Variants in SLC25A21 observed in about 807,000 individuals in gnomAD.
SLC25A21 encodes the protein solute carrier family 25 member 21, also known as mitochondrial 2-oxodicarboxylate carrier.
SLC25A21 carries 47 observed loss-of-function variants against 43.8 expected under a neutral mutation model. That is an observed-to-expected ratio of 1.07 (90% CI 0.85 to 1.37). The LOEUF (loss-of-function observed/expected upper bound fraction) is 1.37. Ranked by LOEUF, SLC25A21 falls within the 40% of genes most tolerant of loss-of-function variation. The probability of loss-of-function intolerance (pLI) is 0.00; values close to 1 mark genes in which losing one functional copy is unlikely to be tolerated. For missense variants in SLC25A21, 352 were observed against 350.2 expected, an observed-to-expected ratio of 1.00 and a Z score of -0.04; for synonymous variants, 131 against 121.3, an observed-to-expected ratio of 1.08 and a Z score of -0.52.
chr14:36,808,987 A>T (rs1888139045), intron 3 of SLC25A21: 1 of 151,958 alleles, frequency 6.6e-6, no homozygotes, highest in Non-Finnish European at 1.5e-5. Flanking sequence ...CATTTCAATC[A>T]CTCTTTTTAA....
intron 1 of SLC25A21, 102 bp downstream of exon 1, chr14:37,172,179 G>A: frequency 8.3e-7 from 1 of 1,208,062 alleles, no homozygotes; most frequent in Non-Finnish European, 1.1e-6. Context: ...TTTTGAGGAA[G>A]AGGGCAGAAC....
chr14:37,021,282 A>T (rs1000291582), intron 1 of SLC25A21, among the ~76,000 whole-genome samples: 9 of 151,968 alleles, frequency 5.9e-5, no homozygotes, highest in African/African-American at 2.2e-4. Flanking sequence ...AGTGGGCAGA[A>T]CTTATCAAGA....
chr14:36,934,935 C>T (rs1429913274), intron 1 of SLC25A21, among the ~76,000 whole-genome samples: 1 of 151,812 alleles, frequency 6.6e-6, no homozygotes, highest in African/African-American at 2.4e-5. Context: ...TCCCTAAGTA[C>T]TACCTTTCCC....
At chr14:36,705,093 A>G (rs1883453356) in intron 7 of SLC25A21, among the ~76,000 whole-genome samples, 1 of 151,980 alleles carries the variant, frequency 6.6e-6, no homozygotes, top group African/African-American at 2.4e-5. Context: ...TCTGTCGCCC[A>G]GGCTGGGTGC....
intron 3 of SLC25A21, among the ~76,000 whole-genome samples, chr14:36,767,005 C>T (rs930111353): frequency 1.3e-5 from 2 of 152,158 alleles, no homozygotes; most frequent in African/African-American, 4.8e-5. Flanking sequence ...TGACCATATA[C>T]CACCATTATA....
At chr14:36,775,524 G>T (rs540556836) in intron 3 of SLC25A21, among the ~76,000 whole-genome samples, 3 of 152,198 alleles carry the variant, frequency 2.0e-5, no homozygotes, top group Non-Finnish European at 4.4e-5. Flanking sequence ...CTCTAGGAGG[G>T]CATCTGCTGA....
At chr14:36,794,032 T>C (rs140216937) in intron 3 of SLC25A21, among the ~76,000 whole-genome samples, 1 of 151,864 alleles carries the variant, frequency 6.6e-6, no homozygotes, top group African/African-American at 2.4e-5. Flanking sequence ...TGAATATGAA[T>C]AATATTCATA....
intron 1 of SLC25A21, among the ~76,000 whole-genome samples, chr14:36,875,721 C>T (rs937219942): frequency 6.6e-6 from 1 of 151,958 alleles, no homozygotes; most frequent in Admixed American, 6.6e-5. Context: ...GTTTTAATTC[C>T]CATAAAGCCC....
intron 3 of SLC25A21, among the ~76,000 whole-genome samples, chr14:36,797,273 A>T (rs1448673431): frequency 6.6e-6 from 1 of 152,190 alleles, no homozygotes; most frequent in Non-Finnish European, 1.5e-5. Context: ...TCATAGAAAG[A>T]TCAGATTTTT....
chr14:36,939,921 C>G (rs1166831385), intron 1 of SLC25A21, among the ~76,000 whole-genome samples: 3 of 152,150 alleles, frequency 2.0e-5, no homozygotes, highest in African/African-American at 7.2e-5. Context: ...TTTCACATAT[C>G]TGTTTTACAT....
At chr14:36,699,153 T>A (rs1883170274) in intron 7 of SLC25A21, among the ~76,000 whole-genome samples, 1 of 152,062 alleles carries the variant, frequency 6.6e-6, no homozygotes, top group Non-Finnish European at 1.5e-5. Flanking sequence ...TATTCCTTTC[T>A]GTTTGTTAGT....
At chr14:37,010,455 A>G (rs1221863707) in intron 1 of SLC25A21, among the ~76,000 whole-genome samples, 2 of 152,212 alleles carry the variant, frequency 1.3e-5, no homozygotes, top group Non-Finnish European at 2.9e-5. Flanking sequence ...TAAGAAAGAA[A>G]TGCAAACAAT....
intron 3 of SLC25A21, among the ~76,000 whole-genome samples, chr14:36,782,860 A>C (rs1217952896): frequency 1.3e-5 from 2 of 151,030 alleles, no homozygotes; most frequent in African/African-American, 4.9e-5. Flanking sequence ...CTAGATGACG[A>C]GTTAGTGGGT....
At chr14:37,082,485 G>A (rs1055330613) in intron 1 of SLC25A21, among the ~76,000 whole-genome samples, 2 of 152,126 alleles carry the variant, frequency 1.3e-5, no homozygotes, top group African/African-American at 2.4e-5. Flanking sequence ...GCTTTACAGG[G>A]ACACCATCTA....
intron 8 of SLC25A21, 90 bp downstream of exon 8, chr14:36,684,654 T>C: frequency 8.1e-7 from 1 of 1,239,160 alleles, no homozygotes; most frequent in Non-Finnish European, 1.1e-6. Flanking sequence ...TTAGGAGGGC[T>C]TACTGGTTCT....
intron 1 of SLC25A21, among the ~76,000 whole-genome samples, chr14:37,168,766 A>G (rs1277057729): frequency 6.6e-6 from 1 of 152,198 alleles, no homozygotes; most frequent in Non-Finnish European, 1.5e-5. Context: ...ACTGTGAGAA[A>G]GAGGACTGAG....
intron 1 of SLC25A21, among the ~76,000 whole-genome samples, chr14:36,909,464 G>C (rs767048537): frequency 1.1e-4 from 16 of 152,144 alleles, no homozygotes; most frequent in Non-Finnish European, 2.2e-4. Context: ...CTGGATATGA[G>C]CCTTTTAAAT....
At chr14:37,073,382 T>C (rs1401455135) in intron 1 of SLC25A21, among the ~76,000 whole-genome samples, 24 of 152,192 alleles carry the variant, frequency 1.6e-4, no homozygotes, top group Admixed American at 6.5e-5. Flanking sequence ...TATATATCTA[T>C]ATATGCAATT....
chr14:37,092,880 C>T (rs1034040205), intron 1 of SLC25A21, among the ~76,000 whole-genome samples: 16 of 151,770 alleles, frequency 1.1e-4, no homozygotes, highest in Admixed American at 9.2e-4. Flanking sequence ...GATATATTTA[C>T]ATGCAGTTTT....
Sources: allele counts gnomAD v4.1 joint callset (sites outside exome capture counted in the v4.1 genomes callset), GRCh38; gene constraint gnomAD v4.1.1; transcripts MANE v1.5; gene names NCBI Gene and HGNC (gene_info 2026-07-23, HGNC 2026-07-21).